The following CASP8 variants were observed in gnomAD, a reference collection of about 807,000 sequenced individuals.
CASP8 encodes the protein caspase 8, also known as caspase-8.
Under a neutral mutation model 46.3 loss-of-function variants are expected in CASP8, and 24 were observed. The observed-to-expected ratio is 0.52, with a 90% CI of 0.38 to 0.73. The LOEUF (loss-of-function observed/expected upper bound fraction) is 0.73, where lower values mean the gene tolerates loss of function less well. CASP8 is among the 30% of genes least tolerant of loss of function. CASP8 has a pLI of 0.00. For synonymous variants in CASP8, 188 were observed against 200.4 expected, an observed-to-expected ratio of 0.94 and a Z score of 0.52; for missense variants, 460 against 559.0, an observed-to-expected ratio of 0.82 and a Z score of 1.79.
chr2:201,285,000 G>T lies in CASP8; in HGVS notation c.987G>T (p.Gln329His). The T allele has an allele frequency of 6.2e-7, 1 of 1,614,174 alleles. No individual in the cohort carries two copies. The change falls in exon 8 of 9, where the codon CAG (glutamine) becomes CAT (histidine). Residue 329 changes from glutamine (Q) to histidine (H), a missense_variant. Gln to His is a conservative substitution (Grantham distance 24). Transcript: ENST00000673742. ...GCATCATCTATGGCACTGATGGACA[G>T]GAGGCCCCCATCTATGAGCTGACAT... is the stretch of plus-strand genomic sequence containing the variant. ...DKGIIYGTDG[Q>H]EAPIYELTSQ... is the part of the protein sequence containing the mutation.
intron 7 of CASP8, among the ~76,000 whole-genome samples, chr2:201,283,199 G>A (rs1374644508): frequency 1.2e-5 from 1 of 81,578 alleles, no homozygotes; most frequent in East Asian, 3.7e-4. Flanking sequence ...CTCCTGGACG[G>A]GGCGGCTGGC....
At chr2:201,265,315 C>G (rs1315974526) in intron 1 of CASP8, among the ~76,000 whole-genome samples, 1 of 150,508 alleles carries the variant, frequency 6.6e-6, no homozygotes, top group Non-Finnish European at 1.5e-5. Flanking sequence ...GCGGAGGTTG[C>G]AGTGAGCCGA....
At chr2:201,254,421 T>C (rs1390018199) in intron 2 of CASP8, among the ~76,000 whole-genome samples, 1 of 152,232 alleles carries the variant, frequency 6.6e-6, no homozygotes, top group Non-Finnish European at 1.5e-5. Context: ...GGAATCTGTT[T>C]TCCCTTCCCT....
intron 7 of CASP8, chr2:201,277,846 A>T (rs1403190024): frequency 3.5e-6 from 1 of 285,476 alleles, no homozygotes; most frequent in East Asian, 1.4e-4. Flanking sequence ...GACTACAGGC[A>T]CACACCACCA....
At chr2:201,276,076 C>T (rs371507481) in intron 6 of CASP8, among the ~76,000 whole-genome samples, 2 of 152,104 alleles carry the variant, frequency 1.3e-5, no homozygotes, top group African/African-American at 4.8e-5. Flanking sequence ...GGCTTCCTAG[C>T]CTGGAGTCCT....
chr2:201,265,009 G>A (rs1003701810), intron 1 of CASP8, among the ~76,000 whole-genome samples: 1 of 152,094 alleles, frequency 6.6e-6, no homozygotes, highest in Non-Finnish European at 1.5e-5. Flanking sequence ...AGTCCCCAGA[G>A]CCTCTGTGGT....
chr2:201,242,438 A>G (rs933382892), intron 2 of CASP8: 1 of 152,158 alleles, frequency 6.6e-6, no homozygotes, highest in African/African-American at 2.4e-5. Context: ...TCCTCATGGA[A>G]TTAGGGTGAT....
chr2:201,279,130 G>A (rs954640039), intron 7 of CASP8, among the ~76,000 whole-genome samples: 1 of 152,182 alleles, frequency 6.6e-6, no homozygotes, highest in African/African-American at 2.4e-5. Flanking sequence ...CAAAGTGTAG[G>A]TGAGGCAATG....
intron 1 of CASP8, among the ~76,000 whole-genome samples, chr2:201,261,383 C>G (rs75169006): frequency 8.5e-6 from 1 of 117,448 alleles, no homozygotes; most frequent in Non-Finnish European, 1.8e-5. Context: ...AAGAGCGAAA[C>G]TCCGTCTCAA....
At chr2:201,264,097 G>C (rs1391144541) in intron 1 of CASP8, among the ~76,000 whole-genome samples, 1 of 152,220 alleles carries the variant, frequency 6.6e-6, no homozygotes, top group Non-Finnish European at 1.5e-5. Context: ...ACATTATGTA[G>C]ATCACGCAGG....
upstream of CASP8, among the ~76,000 whole-genome samples, chr2:201,259,564 G>A (rs377723195): frequency 1.6e-4 from 25 of 152,272 alleles, no homozygotes; most frequent in African/African-American, 5.8e-4. Flanking sequence ...TCAGCTATGA[G>A]TCCCTACCCT....
intron 1 of CASP8, among the ~76,000 whole-genome samples, chr2:201,264,751 T>C (rs1163472336): frequency 2.6e-5 from 4 of 152,156 alleles, no homozygotes; most frequent in Non-Finnish European, 5.9e-5. Flanking sequence ...AGGATGGCTC[T>C]AGCCTGGGAG....
intron 2 of CASP8, chr2:201,242,612 A>G (rs1270080104): frequency 1.3e-5 from 2 of 152,234 alleles, no homozygotes; most frequent in African/African-American, 4.8e-5. Context: ...TCTATTGCAT[A>G]TACTACCTAA....
At chr2:201,244,148 C>A (rs927784644) in intron 2 of CASP8, among the ~76,000 whole-genome samples, 2 of 152,190 alleles carry the variant, frequency 1.3e-5, no homozygotes, top group Non-Finnish European at 1.5e-5. Flanking sequence ...AATAAATAGA[C>A]CATGGTCAGG....
At chr2:201,258,168 T>C (rs1947118003), upstream of CASP8, 2 of 1,579,418 alleles carry the variant, frequency 1.3e-6, no homozygotes. Context: ...CTCCTCCTTT[T>C]ATCTTTTGTG....
At chr2:201,244,855 G>A (rs1356720393) in intron 2 of CASP8, among the ~76,000 whole-genome samples, 1 of 152,190 alleles carries the variant, frequency 6.6e-6, no homozygotes, top group Non-Finnish European at 1.5e-5. Flanking sequence ...GAGAGACTGA[G>A]GCTGTGCAAT....
At chr2:201,246,000 T>C (rs368412220) in intron 2 of CASP8, among the ~76,000 whole-genome samples, 60 of 151,802 alleles carry the variant, frequency 4.0e-4, no homozygotes, top group African/African-American at 1.3e-3. Flanking sequence ...CCCAAGTAGC[T>C]GGGATTACAG....
upstream of CASP8, among the ~76,000 whole-genome samples, chr2:201,257,748 C>T (rs1156290094): frequency 6.6e-6 from 1 of 152,144 alleles, no homozygotes; most frequent in African/African-American, 2.4e-5. Context: ...TTACCCAGTC[C>T]GGCGGGAGGG....
Position 201,266,247 on chromosome 2 carries a change from G to T in CASP8, c.-26-214G>T, listed in dbSNP as rs1387255389. 6.6e-6 allele frequency among the ~76,000 whole-genome samples: 1 copy of T among 152,158 alleles called. No individual in the cohort carries two copies. The highest frequency in any genetic ancestry group is 1.5e-5 in the Non-Finnish European group (1 of 68,016). On this transcript the variant is annotated intron_variant, in intron 1 of 8. Transcript: ENST00000673742. This position sits in a 1 kb window ranked among gnomAD's most constrained non-coding sequence, Gnocchi z 5.7. The stretch of plus-strand genomic sequence containing the variant: ...CCTGCCTTGGCCTCCCAAAGTGTTG[G>T]GATTAGAGGCGTGAGCCACCGCGCC...
Sources: allele counts gnomAD v4.1 joint callset (sites outside exome capture counted in the v4.1 genomes callset), GRCh38; gene constraint gnomAD v4.1.1; non-coding constraint Gnocchi (gnomAD v3.1); transcripts MANE v1.5; gene names NCBI Gene and HGNC (gene_info 2026-07-23, HGNC 2026-07-21).